Variants in ZNF836 observed in about 807,000 individuals in gnomAD.
ZNF836 encodes zinc finger protein 836.
ZNF836 carries 12 observed loss-of-function variants against 7.4 expected under a neutral mutation model. The ratio of observed to expected loss-of-function variants is 1.61; its 90% CI spans 1.03 to 2.61. The LOEUF (loss-of-function observed/expected upper bound fraction) is 2.61. ZNF836 is among the 30% of genes most tolerant of loss of function. ZNF836 has a pLI of 0.00. For missense variants in ZNF836, 998 were observed against 1,126.2 expected (o/e 0.89, Z 1.63); for synonymous variants, 365 against 382.6 (o/e 0.95, Z 0.54).
rs543003789 is a variant in ZNF836 at position 52,160,845 on chromosome 19, G to A, written c.16-254C>T. Among the ~76,000 whole-genome samples the A allele has an allele frequency of 2.6e-5, 4 of 152,304 alleles. No homozygotes were observed. The South Asian group carries it at 8.3e-4, about 32-fold the overall frequency. ...AAGAAATATACAAAGAAATGAACAC[G>A]TGGTTATCTGTATAAGTATTAGATA... On this transcript the variant is annotated intron_variant, in intron 3 of 4. Transcript: ENST00000682614.
At chr19:52,160,320 A>AT (rs1205664432) in intron 4 of ZNF836, 145 bp downstream of exon 4, 1 of 935,880 alleles carries the variant, frequency 1.1e-6, no homozygotes, top group Non-Finnish European at 1.6e-6. Flanking sequence ...GAAAGGCCAG[A>AT]TGCAGCATTA....
chr19:52,154,864 A>T lies in ZNF836; in HGVS notation c.*8T>A. ...GACAAATATACAAGCTATATCAATA[A>T]GTATGAATTATTTGAACCCAGAAGT... On this transcript the variant is annotated 3_prime_UTR_variant, in exon 5 of 5. Transcript: ENST00000682614. The T allele has an allele frequency of 6.7e-7, 1 of 1,502,292 alleles. No homozygotes were observed. Among genetic ancestry groups the T allele is most frequent in the Non-Finnish European group, 8.9e-7 (1 of 1,127,162 alleles). The allele number at this position is 1,502,292 out of a possible 1,614,324, so 93.1% of individuals were successfully genotyped here.
chr19:52,169,938 C>A (rs2089295763), intron 1 of ZNF836, among the ~76,000 whole-genome samples, 157 bp from the exon 2 acceptor site: 1 of 152,090 alleles, frequency 6.6e-6, no homozygotes, highest in East Asian at 1.9e-4. Flanking sequence ...TCTGGCTAAA[C>A]AGAAATTCCA....
chr19:52,169,991 C>G (rs1055222249), intron 1 of ZNF836, among the ~76,000 whole-genome samples: 2 of 152,102 alleles, frequency 1.3e-5, no homozygotes, highest in Non-Finnish European at 1.5e-5. Context: ...ACAAGCCTTA[C>G]AGAAAAGAGT....
At position 52,155,730 on chromosome 19, in the gene ZNF836, T is replaced by G; in HGVS notation, c.1953A>C (p.Ser651=). Residue 651 remains serine (S), a synonymous_variant, in exon 5 of 5, where the codon TCA becomes TCC. Transcript: ENST00000682614. The part of the protein sequence containing the change: ...NECGKVFSYY[S]CLARHRKIHT... Reference sequence around the variant, plus strand: ...GAATTTTCCGATGACGTGCTAGGCATGAGTAGTAACTGAAAACCTTGCCGC... The same window carrying G: ...GAATTTTCCGATGACGTGCTAGGCAGGAGTAGTAACTGAAAACCTTGCCGC... The G allele has an allele frequency of 6.2e-7, 1 of 1,614,168 alleles. No homozygotes were observed. Among genetic ancestry groups the G allele is most frequent in the Non-Finnish European group, 8.5e-7 (1 of 1,180,014 alleles).
chr19:52,168,537 G>A (rs1292937275), intron 2 of ZNF836, among the ~76,000 whole-genome samples: 1 of 102,062 alleles, frequency 9.8e-6, no homozygotes, highest in African/African-American at 3.0e-5. Context: ...GCAGTGAGCC[G>A]AGATCATGCC....
chr19:52,155,532 A>C lies in ZNF836; in HGVS notation c.2151T>G (p.Thr717=), dbSNP rs1260369881. 1 of 1,613,950 alleles carries C rather than the reference A, an allele frequency of 6.2e-7. No homozygotes were observed. The highest frequency in any genetic ancestry group is 2.2e-5 in the East Asian group (1 of 44,890). The change falls in exon 5 of 5, where the codon ACT becomes ACG. Residue 717 remains threonine, a synonymous_variant. Transcript: ENST00000682614. The part of the protein sequence containing the change: ...SKLARYHRNP[T]GEKPHKCSHC... ...GGCTACATTTGTGTGGTTTCTCCCC[A>C]GTAGGATTTCTGTGATATCTTGCAA...
intron 2 of ZNF836, among the ~76,000 whole-genome samples, chr19:52,169,265 G>A (rs950470790): frequency 2.0e-5 from 3 of 152,064 alleles, no homozygotes; most frequent in Non-Finnish European, 4.4e-5. Context: ...CCAAAATAAC[G>A]ATGAATTAAG....
intron 4 of ZNF836, among the ~76,000 whole-genome samples, chr19:52,158,887 C>T (rs900338943): frequency 6.6e-6 from 1 of 152,142 alleles, no homozygotes; most frequent in Admixed American, 6.6e-5. Context: ...TGTAATATTA[C>T]TTGGAGGTGT....
intron 2 of ZNF836, among the ~76,000 whole-genome samples, chr19:52,168,793 G>T (rs1421254767): frequency 6.6e-6 from 1 of 152,030 alleles, no homozygotes; most frequent in Non-Finnish European, 1.5e-5. Context: ...AGGTTCAAGC[G>T]ATTCTCCTGC....
rs2089280356 is a variant in ZNF836, at chr19:52,168,021, A to T, written c.15+37T>A. The T allele has an allele frequency of 4.7e-6, 7 of 1,492,058 alleles. 1 individual carries two copies. In the East Asian group the frequency reaches 1.4e-4, roughly 29 times the overall value. 92.4% of individuals were successfully genotyped at this position (1,492,058 alleles called of 1,614,324 possible). On this transcript the variant is annotated intron_variant, in intron 3 of 4. Coordinates refer to ENST00000682614, the MANE Select transcript of ZNF836 (RefSeq NM_001102657.3). Reference sequence around the variant, plus strand: ...TCCAATGTGTCGCATTTCAAAAAGGAAGGAGACAGAATGATCCACTAAGAA... The same window carrying T: ...TCCAATGTGTCGCATTTCAAAAAGGTAGGAGACAGAATGATCCACTAAGAA...
intron 2 of ZNF836, 124 bp from the exon 3 acceptor site, chr19:52,168,276 G>A: frequency 6.8e-6 from 4 of 586,204 alleles, no homozygotes; most frequent in Non-Finnish European, 8.8e-6. Context: ...GGGGATGCAA[G>A]GATAATAAAT....
chr19:52,163,503 G>A (rs778298487), intron 3 of ZNF836, among the ~76,000 whole-genome samples: 5 of 152,018 alleles, frequency 3.3e-5, no homozygotes, highest in African/African-American at 9.7e-5. Flanking sequence ...GCCCGGGTGC[G>A]GTGGCTCACG....
rs915612688 is a variant in ZNF836 at position 52,157,614 on chromosome 19, A to C, written c.143-74T>G. On this transcript the variant is annotated intron_variant, in intron 4 of 4. Coordinates refer to ENST00000682614, the MANE Select transcript of ZNF836 (RefSeq NM_001102657.3). ...GAGACAGAGTCTTGCTCTGTTGCCCAGGCTGGAGTGGAGTGGCACAATCTC... is the reference window on the plus strand; with the variant it reads ...GAGACAGAGTCTTGCTCTGTTGCCCCGGCTGGAGTGGAGTGGCACAATCTC... 5.8e-6 allele frequency: 8 copies of C among 1,369,286 alleles called. No homozygotes were observed. In the African/African-American group the frequency reaches 7.4e-5, roughly 13 times the overall value. The allele number at this position is 1,369,286 out of a possible 1,614,324, so 84.8% of individuals were successfully genotyped here. A position where few individuals can be genotyped will look rare whatever the true frequency, so the allele number is the denominator to read the frequency against.
chr19:52,155,055 GC>G lies in ZNF836; in HGVS notation c.2627del (p.Cys876SerfsTer7). ...ECGKAFGRFSCLNKHQMIHSG... is the reference protein window; with the variant it reads ...ECGKAFGRFSXLNKHQMIHSG... ...AATGAATCATTTGGTGTTTGTTGAG[GC>G]AAGAAAACCGCCCAAAGGCCTTGCC... On this transcript the variant is annotated frameshift_variant, in exon 5 of 5. Transcript: ENST00000682614. LOFTEE classifies it low-confidence loss of function (END_TRUNC). The G allele has an allele frequency of 6.2e-7, 1 of 1,614,114 alleles. No homozygotes were observed. The highest frequency in any genetic ancestry group is 8.5e-7 in the Non-Finnish European group (1 of 1,180,020).
rs940815542 is a variant in ZNF836 at position 52,155,917 on chromosome 19, G to A, written c.1766C>T (p.Thr589Ile). ...EKPFQCNECG[T>I]VFRNYSCLAR... Reference sequence around the variant, plus strand: ...TAGGCATGAGTAGTTCCTGAAGACTGTGCCACATTCATTACATTGGAAAGG... The same window carrying A: ...TAGGCATGAGTAGTTCCTGAAGACTATGCCACATTCATTACATTGGAAAGG... The change falls in exon 5 of 5, where the codon ACA becomes ATA. Residue 589 changes from threonine to isoleucine, a missense_variant. Transcript: ENST00000682614. 3 of 1,611,336 alleles carry A rather than the reference G, an allele frequency of 1.9e-6. No homozygotes were observed. In the African/African-American group the frequency reaches 4.1e-5, roughly 22 times the overall value.
rs2089135490 is a variant in ZNF836 at position 52,154,794 on chromosome 19, C to T, written c.*78G>A. 3 of 1,321,040 alleles carry T rather than the reference C, an allele frequency of 2.3e-6. No individual in the cohort carries two copies. In the African/African-American group the frequency reaches 4.5e-5, roughly 20 times the overall value. The allele number at this position is 1,321,040 out of a possible 1,614,324, so 81.8% of individuals were successfully genotyped here. A position where few individuals can be genotyped will look rare whatever the true frequency, so the allele number is the denominator to read the frequency against. ...AATCATCTCCCACCAGGCCCCACCT[C>T]CAATAAAGGGGATTAAAATTCCACA... On this transcript the variant is annotated 3_prime_UTR_variant, in exon 5 of 5. Coordinates refer to ENST00000682614, the MANE Select transcript of ZNF836 (RefSeq NM_001102657.3).
In ZNF836 at chr19:52,155,540, T is replaced by A; in HGVS notation, c.2143A>T (p.Asn715Tyr). 6.2e-7 allele frequency: 1 copy of A among 1,613,984 alleles called. No individual in the cohort carries two copies. Among genetic ancestry groups the A allele is most frequent in the Non-Finnish European group, 8.5e-7 (1 of 1,179,884 alleles). The change falls in exon 5 of 5, where the codon AAT becomes TAT. Residue 715 changes from asparagine to tyrosine, a missense_variant. Transcript: ENST00000682614. ...QSSKLARYHR[N>Y]PTGEKPHKCS... ...TTGTGTGGTTTCTCCCCAGTAGGAT[T>A]TCTGTGATATCTTGCAAGTTTTGAA...
Position 52,156,371 on chromosome 19 carries a change from C to T in ZNF836, c.1312G>A (p.Gly438Arg). The T allele has an allele frequency of 6.2e-7, 1 of 1,614,150 alleles. No homozygotes were observed. Among genetic ancestry groups the T allele is most frequent in the Non-Finnish European group, 8.5e-7 (1 of 1,180,028 alleles). ...ACATCACATGTATATGGTTTCTCTC[C>T]TGTATGGATTATCTGATGTGTAGTG... ...SLTTHQIIHT[G>R]EKPYTCDVCD... Residue 438 changes from glycine to arginine, a missense_variant, in exon 5 of 5, where the codon GGA becomes AGA. Gly to Arg is a moderately radical substitution (Grantham distance 125). Transcript: ENST00000682614.
Sources: gnomAD v4.1 joint callset for allele counts (sites outside exome capture counted in the v4.1 genomes callset) on GRCh38, gnomAD v4.1.1 for gene constraint, MANE v1.5 for transcripts, NCBI Gene and HGNC (gene_info 2026-07-23, HGNC 2026-07-21) for gene names.